Variants in ITGA8 observed in about 807,000 individuals in gnomAD.
ITGA8 encodes integrin subunit alpha 8.
Under a neutral mutation model 142.3 loss-of-function variants are expected in ITGA8, and 91 were observed. The ratio of observed to expected loss-of-function variants is 0.64; its 90% CI spans 0.54 to 0.76. The LOEUF is 0.76. Among genes scored for constraint, ITGA8 ranks in the 30% least tolerant of loss-of-function variants. The probability of loss-of-function intolerance (pLI) is 0.00; values close to 1 mark genes in which losing one functional copy is unlikely to be tolerated. For synonymous variants in ITGA8, 505 were observed against 485.2 expected (o/e 1.04, Z -0.54); for missense variants, 1,406 against 1,327.7 (o/e 1.06, Z -0.92).
intron 5 of ITGA8, 142 bp from the exon 6 acceptor site, chr10:15,677,779 A>G: frequency 1.6e-6 from 1 of 612,832 alleles, no homozygotes; most frequent in Non-Finnish European, 2.8e-6. Context: ...GATCCTTCGG[A>G]GGCCTGCAGT....
intron 28 of ITGA8, among the ~76,000 whole-genome samples, chr10:15,520,788 C>A (rs1463287915): frequency 6.6e-6 from 1 of 152,206 alleles, no homozygotes; most frequent in Non-Finnish European, 1.5e-5. Context: ...GGTCTAAGGT[C>A]TCCTAGTTTT....
chr10:15,665,169 C>T (rs954392549), intron 8 of ITGA8, among the ~76,000 whole-genome samples: 4 of 152,304 alleles, frequency 2.6e-5, no homozygotes, highest in South Asian at 2.1e-4. Context: ...ACATCCTCTC[C>T]AGCACCTGTT....
chr10:15,677,469 G>GAGA, intron 6 of ITGA8, 123 bp downstream of exon 6: 1 of 731,838 alleles, frequency 1.4e-6, no homozygotes, highest in Non-Finnish European at 2.2e-6. Flanking sequence ...CGCTTCATTT[G>GAGA]AGAAACTATG....
chr10:15,576,087 T>C (rs1225858401), intron 23 of ITGA8, among the ~76,000 whole-genome samples: 2 of 152,124 alleles, frequency 1.3e-5, no homozygotes, highest in African/African-American at 4.8e-5. Context: ...TGTCCAGTTA[T>C]GAAGAAATAT....
intron 24 of ITGA8, among the ~76,000 whole-genome samples, chr10:15,572,977 A>G (rs1317176187): frequency 1.3e-5 from 2 of 152,214 alleles, no homozygotes; most frequent in Non-Finnish European, 2.9e-5. Flanking sequence ...CGTGAATCCT[A>G]TACTTGGAGG....
At chr10:15,714,034 G>T (rs899754078) in intron 2 of ITGA8, among the ~76,000 whole-genome samples, 1 of 152,110 alleles carries the variant, frequency 6.6e-6, no homozygotes, top group Admixed American at 6.6e-5. Context: ...CTGGTTCCCA[G>T]CTGTATTGCT....
At chr10:15,532,000 G>A (rs1195486611) in intron 27 of ITGA8, among the ~76,000 whole-genome samples, 2 of 144,132 alleles carry the variant, frequency 1.4e-5, no homozygotes, top group East Asian at 4.2e-4. Flanking sequence ...CTCACAACAG[G>A]GTTTCTTGGC....
chr10:15,610,910 A>T (rs1343476523), intron 15 of ITGA8, among the ~76,000 whole-genome samples: 1 of 152,124 alleles, frequency 6.6e-6, no homozygotes, highest in Admixed American at 6.5e-5. Context: ...TCTTTTTGTA[A>T]TTGGTTAGTC....
intron 1 of ITGA8, 107 bp from the exon 2 acceptor site, chr10:15,719,006 G>A: frequency 6.6e-7 from 1 of 1,510,064 alleles, no homozygotes; most frequent in Non-Finnish European, 9.0e-7. Flanking sequence ...GGCGTGGAGG[G>A]CATGAACGTA....
intron 11 of ITGA8, among the ~76,000 whole-genome samples, chr10:15,650,670 CA>C (rs1296210164): frequency 6.6e-6 from 1 of 152,028 alleles, no homozygotes; most frequent in Non-Finnish European, 1.5e-5. Context: ...ATTATAGCAA[CA>C]AAAAACAGGC....
intron 6 of ITGA8, among the ~76,000 whole-genome samples, chr10:15,675,379 C>T (rs1035594308): frequency 6.6e-6 from 1 of 152,158 alleles, no homozygotes; most frequent in South Asian, 2.1e-4. Context: ...AGAAACACTC[C>T]CTTACCACCT....
intron 23 of ITGA8, among the ~76,000 whole-genome samples, chr10:15,585,266 G>A (rs1398248555): frequency 6.6e-6 from 1 of 152,182 alleles, no homozygotes; most frequent in Admixed American, 6.5e-5. Context: ...GGAGACAGTT[G>A]CCTATATTTA....
Position 15,517,043 on chromosome 10 carries a change from C to CATTAAAAA in ITGA8, c.*114_*115insTTTTTAAT. ...GAGGTGATGTTTCCAGGGTCCCCTCCATTTCCTGGGTCACTGTCAGGTATC... is the reference window on the plus strand; with the variant it reads ...GAGGTGATGTTTCCAGGGTCCCCTCCATTAAAAAATTTCCTGGGTCACTGTCAGGTATC... On this transcript the variant is annotated 3_prime_UTR_variant, in exon 30 of 30. Transcript: ENST00000378076. The CATTAAAAA allele has an allele frequency of 1.3e-5, 7 of 551,530 alleles. No individual in the cohort carries two copies. Among genetic ancestry groups the CATTAAAAA allele is most frequent in the South Asian group, 3.7e-5 (1 of 27,304 alleles). 34.2% of individuals were successfully genotyped at this position (551,530 alleles called of 1,614,324 possible).
rs543833728 is a variant in ITGA8 at position 15,515,739 on chromosome 10, C to T, written c.*1419G>A. The T allele has an allele frequency of 6.6e-6, 1 of 152,004 alleles. No homozygotes were observed. Among genetic ancestry groups the T allele is most frequent in the African/African-American group, 2.4e-5 (1 of 41,384 alleles). The allele number at this position is 152,004 out of a possible 1,614,324, so 9.4% of individuals were successfully genotyped here. A position where few individuals can be genotyped will look rare whatever the true frequency, so the allele number is the denominator to read the frequency against. On this transcript the variant is annotated 3_prime_UTR_variant, in exon 30 of 30. Transcript: ENST00000378076. ...AAAAAAGGATACAAAATTGTGCAGA[C>T]TACCTATAAATTTGGCTGGTCAATT...
Position 15,554,962 on chromosome 10 carries a change from C to T in ITGA8, c.2766+3112G>A, listed in dbSNP as rs149612856. The stretch of plus-strand genomic sequence containing the variant: ...TAATTTTTCAGTTATGTAAATCAAG[C>T]GTATGGATTTCCGTTCTACAGATGA... On this transcript the variant is annotated intron_variant, in intron 26 of 29. Coordinates refer to ENST00000378076, the MANE Select transcript of ITGA8 (RefSeq NM_003638.3). Among the ~76,000 whole-genome samples the T allele has an allele frequency of 2.3e-3, 356 of 152,120 alleles. 2 individuals carry two copies. Among genetic ancestry groups the T allele is most frequent in the Non-Finnish European group, 3.3e-3 (222 of 68,004 alleles).
chr10:15,531,487 G>T (rs1375591071), intron 27 of ITGA8, among the ~76,000 whole-genome samples: 5 of 126,644 alleles, frequency 3.9e-5, no homozygotes, highest in Non-Finnish European at 5.4e-5. Context: ...GTATAATAAG[G>T]TTAAAATAAA....
At chr10:15,666,752 C>T (rs1259146983) in intron 8 of ITGA8, among the ~76,000 whole-genome samples, 2 of 152,112 alleles carry the variant, frequency 1.3e-5, no homozygotes, top group Admixed American at 1.3e-4. Flanking sequence ...TTGTCAAAGG[C>T]CTTTTCTGCA....
At chr10:15,660,662 T>C (rs546771501) in intron 9 of ITGA8, among the ~76,000 whole-genome samples, 132 of 152,352 alleles carry the variant, frequency 8.7e-4, no homozygotes, top group Non-Finnish European at 1.6e-3. Context: ...CACTTCATTA[T>C]AAAATAGGCT....
chr10:15,572,144 C>T (rs929127901), intron 25 of ITGA8, 67 bp downstream of exon 25: 6 of 1,327,508 alleles, frequency 4.5e-6, no homozygotes, highest in Non-Finnish European at 6.2e-6. Flanking sequence ...TAAACAAGCC[C>T]AGTTTGTATT....
Sources: allele counts gnomAD v4.1 joint callset (sites outside exome capture counted in the v4.1 genomes callset), GRCh38; gene constraint gnomAD v4.1.1; transcripts MANE v1.5; gene names NCBI Gene and HGNC (gene_info 2026-07-23, HGNC 2026-07-21).